Variants in SYNJ1 observed in about 807,000 individuals in gnomAD.
SYNJ1 encodes the protein polyphosphatidylinositol phosphatase SYNJ1.
Under a neutral mutation model 168.2 loss-of-function variants are expected in SYNJ1, and 78 were observed. The observed-to-expected ratio is 0.46, with a 90% CI of 0.39 to 0.56. The LOEUF (loss-of-function observed/expected upper bound fraction) is 0.56, where lower values mean the gene tolerates loss of function less well. Ranked by LOEUF, SYNJ1 falls within the 20% of genes least tolerant of loss-of-function variation. The pLI, the probability that SYNJ1 is intolerant of heterozygous loss-of-function variation, is 0.00. For missense variants in SYNJ1, 1,303 were observed against 1,597.6 expected, an observed-to-expected ratio of 0.82 and a Z score of 3.14; for synonymous variants, 539 against 548.6, an observed-to-expected ratio of 0.98 and a Z score of 0.24.
chr21:32,704,673 C>T (rs866046149), intron 2 of SYNJ1, among the ~76,000 whole-genome samples: 2 of 152,062 alleles, frequency 1.3e-5, no homozygotes, highest in Non-Finnish European at 2.9e-5. Flanking sequence ...ATGGGAAAGG[C>T]AGGGTTTTGA....
intron 22 of SYNJ1, among the ~76,000 whole-genome samples, chr21:32,651,665 C>T (rs2040274164): frequency 6.6e-6 from 1 of 152,152 alleles, no homozygotes; most frequent in South Asian, 2.1e-4. Context: ...TTCCTTAGGA[C>T]TATCCCCTTG....
intron 13 of SYNJ1, among the ~76,000 whole-genome samples, chr21:32,674,226 CAT>C (rs906432592): frequency 2.0e-5 from 3 of 152,328 alleles, no homozygotes; most frequent in African/African-American, 7.2e-5. Flanking sequence ...GTTTCAAAAA[CAT>C]ATGAGGCCTG....
chr21:32,728,112 C>A (rs2122964887), upstream of SYNJ1: 11 of 1,474,254 alleles, frequency 7.5e-6, no homozygotes, highest in African/African-American at 1.4e-4. Flanking sequence ...GGAGACCACG[C>A]CCACTCTGCG....
At chr21:32,724,270 C>G (rs1218655946) in intron 2 of SYNJ1, among the ~76,000 whole-genome samples, 10 of 152,236 alleles carry the variant, frequency 6.6e-5, no homozygotes, top group Admixed American at 2.6e-4. Flanking sequence ...GGCGAATCAC[C>G]TGAGGTCAGG....
At chr21:32,660,696 G>A (rs1448356775) in intron 18 of SYNJ1, among the ~76,000 whole-genome samples, 3 of 152,208 alleles carry the variant, frequency 2.0e-5, no homozygotes, top group Admixed American at 2.0e-4. Context: ...CTTTAACTCG[G>A]GCTCTAGAAC....
chr21:32,662,199 G>A (rs1015032533), intron 18 of SYNJ1, among the ~76,000 whole-genome samples: 27 of 152,268 alleles, frequency 1.8e-4, no homozygotes, highest in African/African-American at 3.4e-4. Context: ...AGTCACACCC[G>A]GAAGCTGACT....
At chr21:32,718,774 G>A (rs1018618607) in intron 2 of SYNJ1, among the ~76,000 whole-genome samples, 2 of 151,944 alleles carry the variant, frequency 1.3e-5, no homozygotes, top group Non-Finnish European at 2.9e-5. Context: ...TGTTTTTAAT[G>A]ACTTTACTGT....
Position 32,685,637 on chromosome 21 carries a change from G to T in SYNJ1, c.1118+111C>A, listed in dbSNP as rs561358561. Reference sequence around the variant, plus strand: ...TAAAAATAAAATGAAATATTTAAAAGATATTTAATTATAAACTTTAATTTT... The same window carrying T: ...TAAAAATAAAATGAAATATTTAAAATATATTTAATTATAAACTTTAATTTT... On this transcript the variant is annotated intron_variant, in intron 9 of 32. Transcript: ENST00000674351. The T allele has an allele frequency of 1.4e-4, 90 of 654,892 alleles. 1 individual carries two copies. In the African/African-American group the frequency reaches 1.6e-3, roughly 12 times the overall value. 40.6% of individuals were successfully genotyped at this position (654,892 alleles called of 1,614,324 possible).
At chr21:32,676,266 A>G (rs1015088599) in intron 13 of SYNJ1, 66 bp downstream of exon 13, 20 of 1,306,838 alleles carry the variant, frequency 1.5e-5, no homozygotes, top group Non-Finnish European at 2.1e-5. Flanking sequence ...ATTTGTTTAC[A>G]ATATCGACTT....
chr21:32,702,548 A>C (rs757572544), intron 2 of SYNJ1, among the ~76,000 whole-genome samples: 36 of 152,382 alleles, frequency 2.4e-4, no homozygotes, highest in Non-Finnish European at 4.4e-4. Flanking sequence ...AAAACAACAA[A>C]AAAAAATCAA....
Position 32,650,310 on chromosome 21 carries a change from G to A in SYNJ1, c.2911C>T (p.Pro971Ser). Reference protein sequence around the residue: ...NRTITIALKSPDWIKNLEEEM... With the variant: ...NRTITIALKSSDWIKNLEEEM... ...TCTTCCAAATTTTTGATCCAGTCTG[G>A]ACTTTTTAAAGCAATAGTTATAGTC... Residue 971 changes from proline (P) to serine (S), a missense_variant, in exon 23 of 33, where the codon CCA becomes TCA. This residue lies in a region of SYNJ1 where 920 missense variants were observed against 1,208.8 expected (regional missense o/e 0.76). Transcript: ENST00000674351. The A allele has an allele frequency of 6.2e-7, 1 of 1,613,346 alleles. No individual in the cohort carries two copies. Among genetic ancestry groups the A allele is most frequent in the Non-Finnish European group, 8.5e-7 (1 of 1,179,760 alleles).
rs2043478268 is a variant in SYNJ1 at position 32,726,846 on chromosome 21, G to A, written c.50C>T (p.Pro17Leu). The change falls in exon 2 of 33, where the codon CCT becomes CTT. Residue 17 changes from proline (P) to leucine (L), a missense_variant. Physicochemically the swap from Pro to Leu is moderately conservative, Grantham distance 98 (BLOSUM62 -3). Coordinates refer to ENST00000674351, the MANE Select transcript of SYNJ1 (RefSeq NM_203446.3). ...FRIYHKLDPPPFSLIVETRHK... is the reference protein window; with the variant it reads ...FRIYHKLDPPLFSLIVETRHK... Reference sequence around the variant, plus strand: ...CCTAGTTTCCACTATGAGGCTGAAAGGTGGGGGATCCAATTTGTGATAGAT... The same window carrying A: ...CCTAGTTTCCACTATGAGGCTGAAAAGTGGGGGATCCAATTTGTGATAGAT... 1 of 1,614,066 alleles carries A rather than the reference G, an allele frequency of 6.2e-7. No homozygotes were observed. The highest frequency in any genetic ancestry group is 1.7e-5 in the Admixed American group (1 of 60,000).
rs760622908 is a variant in SYNJ1, at chr21:32,685,855, T to TTGA, written c.1008_1010dup (p.His336dup). On this transcript the variant is annotated inframe_insertion, in exon 9 of 33. Coordinates refer to ENST00000674351, the MANE Select transcript of SYNJ1 (RefSeq NM_203446.3). Reference sequence around the variant, plus strand: ...TTTCTGCCTTTCCTCCCTTAACCATTTGATGATAGTCAAAATTCACCATCT... The same window carrying TTGA: ...TTTCTGCCTTTCCTCCCTTAACCATTTGATGATGATAGTCAAAATTCACCATCT... 8.1e-6 allele frequency: 13 copies of TTGA among 1,612,998 alleles called. No homozygotes were observed. The African/African-American group carries it at 1.6e-4, about 20-fold the overall frequency.
At chr21:32,665,886 G>A in intron 17 of SYNJ1, 57 bp downstream of exon 17, 1 of 1,463,028 alleles carries the variant, frequency 6.8e-7, no homozygotes, top group East Asian at 2.4e-5. Flanking sequence ...TAGAATTTGG[G>A]GCAAATTAAA....
rs370975232 is a variant in SYNJ1, at chr21:32,666,596, G to T, written c.1812-23C>A. The T allele has an allele frequency of 5.7e-5, 91 of 1,596,246 alleles. 1 individual carries two copies. Among genetic ancestry groups the T allele is most frequent in the Admixed American group, 1.1e-4 (6 of 55,830 alleles). ...GTGCTACAAGAAAATATTAAAAAGA[G>T]AATTTTTTAAAAAGGTATTGACAAT... is the stretch of plus-strand genomic sequence containing the variant. On this transcript the variant is annotated intron_variant, in intron 15 of 32. Coordinates refer to ENST00000674351, the MANE Select transcript of SYNJ1 (RefSeq NM_203446.3).
upstream of SYNJ1, chr21:32,728,286 T>C: frequency 2.1e-6 from 1 of 476,450 alleles, no homozygotes; most frequent in South Asian, 2.7e-5. Context: ...CTTCAGAGCG[T>C]GAGCGCCGGG....
chr21:32,717,421 T>C (rs1314259891), intron 2 of SYNJ1, among the ~76,000 whole-genome samples: 1 of 152,246 alleles, frequency 6.6e-6, no homozygotes, highest in Non-Finnish European at 1.5e-5. Context: ...CCTATATTCC[T>C]ATAAATATTC....
At chr21:32,632,386 C>T (rs2039369259) in intron 32 of SYNJ1, among the ~76,000 whole-genome samples, 1 of 151,330 alleles carries the variant, frequency 6.6e-6, no homozygotes, top group African/African-American at 2.4e-5. Context: ...TGCCCACCCC[C>T]TCTTTTTTTT....
intron 14 of SYNJ1, chr21:32,670,693 A>G: frequency 1.4e-6 from 1 of 707,866 alleles, no homozygotes; most frequent in Non-Finnish European, 1.7e-6. Flanking sequence ...TCAAAATCTC[A>G]CATAAAACTG....
Sources: allele counts gnomAD v4.1 joint callset (sites outside exome capture counted in the v4.1 genomes callset), GRCh38; gene constraint gnomAD v4.1.1; regional missense constraint gnomAD v4.1.1; transcripts MANE v1.5; gene names NCBI Gene and HGNC (gene_info 2026-07-23, HGNC 2026-07-21).